KATNAL2: variants seen among roughly 807,000 people sequenced by gnomAD.
KATNAL2 encodes katanin catalytic subunit A1 like 2, also known as katanin p60 ATPase-containing subunit A-like 2.
Under a neutral mutation model 76.3 loss-of-function variants are expected in KATNAL2, and 52 were observed. The ratio of observed to expected loss-of-function variants is 0.68; its 90% CI spans 0.55 to 0.86. KATNAL2 has a LOEUF of 0.86. Among genes scored for constraint, KATNAL2 ranks in the 40% least tolerant of loss-of-function variants. The pLI is 0.00. For synonymous variants in KATNAL2, 243 were observed against 244.2 expected, an observed-to-expected ratio of 1.00 and a Z score of 0.05; for missense variants, 660 against 668.9, an observed-to-expected ratio of 0.99 and a Z score of 0.15.
chr18:47,101,087 T>C lies in KATNAL2; in HGVS notation c.*82T>C. 6.7e-7 allele frequency: 1 copy of C among 1,497,456 alleles called. No homozygotes were observed. The highest frequency in any genetic ancestry group is 9.2e-7 in the Non-Finnish European group (1 of 1,086,932). 92.8% of individuals were successfully genotyped at this position (1,497,456 alleles called of 1,614,324 possible). Reference sequence around the variant, plus strand: ...TAATGTCCGTGGGAGAACAAAATGATTGGAATGGAAAAGAGAAAATTATTT... The same window carrying C: ...TAATGTCCGTGGGAGAACAAAATGACTGGAATGGAAAAGAGAAAATTATTT... On this transcript the variant is annotated 3_prime_UTR_variant, in exon 18 of 18. Coordinates refer to ENST00000683218, the MANE Select transcript of KATNAL2 (RefSeq NM_001387690.1).
chr18:47,054,707 A>C (rs1028850281), intron 6 of KATNAL2: 1 of 378,028 alleles, frequency 2.6e-6, no homozygotes, highest in Non-Finnish European at 4.7e-6. Context: ...TTAACCTCAA[A>C]GGTTAAAAGA....
intron 1 of KATNAL2, among the ~76,000 whole-genome samples, chr18:46,933,595 C>T (rs2146571945): frequency 6.6e-6 from 1 of 152,124 alleles, no homozygotes; most frequent in South Asian, 2.1e-4. Context: ...AAATTATCTC[C>T]ACAATAAGGT....
chr18:46,942,386 G>A (rs556729787), intron 1 of KATNAL2, among the ~76,000 whole-genome samples: 2 of 152,320 alleles, frequency 1.3e-5, no homozygotes, highest in South Asian at 2.1e-4. Context: ...GGAGGCCGAG[G>A]TGGGCGGATC....
chr18:46,922,101 C>CTTT (rs10714256), intron 1 of KATNAL2, among the ~76,000 whole-genome samples: 1 of 140,912 alleles, frequency 7.1e-6, no homozygotes. Context: ...TTTTTCCTCA[C>CTTT]TTTTTTTTTT....
chr18:46,923,405 A>C (rs1395455865), intron 1 of KATNAL2, among the ~76,000 whole-genome samples: 2 of 150,230 alleles, frequency 1.3e-5, no homozygotes, highest in African/African-American at 4.9e-5. Context: ...TGAACTCATC[A>C]TTTTTTATGG....
chr18:47,100,347 C>CACCA lies in KATNAL2; in HGVS notation c.1469_1472dup (p.Ser492ProfsTer55), dbSNP rs1473121372. 3.1e-6 allele frequency: 5 copies of CACCA among 1,613,308 alleles called. No homozygotes were observed. In the East Asian group the frequency reaches 1.1e-4, roughly 36 times the overall value. ...GAAGATCTTTGATGCACTTGAAAATCACCAGTCAGGTATGGGTTGGATCAC... is the reference window on the plus strand; with the variant it reads ...GAAGATCTTTGATGCACTTGAAAATCACCAACCAGTCAGGTATGGGTTGGATCAC... On this transcript the variant is annotated frameshift_variant, in exon 17 of 18. Coordinates refer to ENST00000683218, the MANE Select transcript of KATNAL2 (RefSeq NM_001387690.1). LOFTEE classifies it high-confidence loss of function.
At chr18:47,070,249 A>T (rs1049503714) in intron 13 of KATNAL2, among the ~76,000 whole-genome samples, 1 of 151,672 alleles carries the variant, frequency 6.6e-6, no homozygotes, top group Non-Finnish European at 1.5e-5. Context: ...GGTGCCTGCC[A>T]CCACGCCCAG....
At chr18:46,952,642 ACCTG>A (rs1448820854) in intron 3 of KATNAL2, among the ~76,000 whole-genome samples, 1 of 151,128 alleles carries the variant, frequency 6.6e-6, no homozygotes, top group African/African-American at 2.4e-5. Context: ...CTCATGATCC[ACCTG>A]CCTCGGCCTT....
rs1333001328 is a variant in KATNAL2, at chr18:46,921,879, A to C, written c.-510+3953A>C. 5.9e-5 allele frequency among the ~76,000 whole-genome samples: 9 copies of C among 152,148 alleles called. No individual in the cohort carries two copies. The East Asian group carries it at 1.6e-3, about 26-fold the overall frequency. On this transcript the variant is annotated intron_variant, in intron 1 of 17. Coordinates refer to ENST00000683218, the MANE Select transcript of KATNAL2 (RefSeq NM_001387690.1). ...CCCATTAGACTTTACTGATTTTAAT[A>C]TCTCTCTTTTCCTTCCCACTGATTA...
At chr18:47,066,392 G>C (rs1599733253) in intron 10 of KATNAL2, among the ~76,000 whole-genome samples, 2 of 152,112 alleles carry the variant, frequency 1.3e-5, no homozygotes, top group Non-Finnish European at 2.9e-5. Flanking sequence ...TTGCTACAGG[G>C]CTCTTCTATA....
chr18:47,064,150 G>A (rs896861965), intron 10 of KATNAL2, among the ~76,000 whole-genome samples: 1 of 151,910 alleles, frequency 6.6e-6, no homozygotes, highest in Non-Finnish European at 1.5e-5. Context: ...TGTGTGCTGT[G>A]GGCTGGAGAC....
intron 3 of KATNAL2, chr18:47,035,051 G>C (rs199722480): frequency 9.9e-6 from 16 of 1,611,780 alleles, no homozygotes; most frequent in African/African-American, 1.3e-5. Context: ...TTCTTCCACC[G>C]GGCCGCTAAG....
chr18:47,097,649 G>A, intron 15 of KATNAL2, among the ~76,000 whole-genome samples: 1 of 152,318 alleles, frequency 6.6e-6, no homozygotes, highest in Non-Finnish European at 1.5e-5. Flanking sequence ...TTAAGAGACA[G>A]AACCATACAT....
chr18:47,036,222 T>A (rs532343229), intron 3 of KATNAL2, among the ~76,000 whole-genome samples: 2 of 152,330 alleles, frequency 1.3e-5, no homozygotes, highest in African/African-American at 4.8e-5. Context: ...TGATCTCCTT[T>A]TGAAACTCTT....
chr18:47,087,559 G>C (rs945572487), intron 15 of KATNAL2, among the ~76,000 whole-genome samples: 8 of 152,144 alleles, frequency 5.3e-5, no homozygotes, highest in Admixed American at 5.2e-4. Flanking sequence ...GTGGAGGGTG[G>C]GAGGAGGGAG....
chr18:46,955,140 C>CTCCTTCTTTCTTTCTTTCTTTCTTTCTT (rs1555834695), intron 3 of KATNAL2, among the ~76,000 whole-genome samples: 1 of 85,020 alleles, frequency 1.2e-5, no homozygotes, highest in South Asian at 4.8e-4. Flanking sequence ...CTTTCTCTCT[C>CTCCTTCTTTCTTTCTTTCTTTCTTTCTT]TCTTTCTTTC....
intron 1 of KATNAL2, among the ~76,000 whole-genome samples, chr18:46,926,988 G>A (rs2058748212): frequency 6.6e-6 from 1 of 152,154 alleles, no homozygotes; most frequent in African/African-American, 2.4e-5. Flanking sequence ...CTCTGCATGT[G>A]AGATGGGTTT....
At chr18:46,946,034 C>T (rs1036460095) in intron 1 of KATNAL2, 23 bp from the exon 2 acceptor site, 6 of 230,960 alleles carry the variant, frequency 2.6e-5, no homozygotes, top group African/African-American at 1.2e-4. Flanking sequence ...TCAACACTTA[C>T]GAGAACTTTT....
chr18:47,033,387 G>T, intron 3 of KATNAL2: 2 of 1,614,168 alleles, frequency 1.2e-6, no homozygotes, highest in Non-Finnish European at 1.7e-6. Flanking sequence ...GTGCAGATCG[G>T]ATATTCGTTG....
Sources: allele counts gnomAD v4.1 joint callset (sites outside exome capture counted in the v4.1 genomes callset), GRCh38; gene constraint gnomAD v4.1.1; transcripts MANE v1.5; gene names NCBI Gene and HGNC (gene_info 2026-07-23, HGNC 2026-07-21).